The following PDZD2 variants were observed in gnomAD, a reference collection of about 807,000 sequenced individuals.
PDZD2 encodes PDZ domain containing 2, also known as PDZ domain-containing protein 2.
In PDZD2, 90 loss-of-function variants were observed where a neutral mutation model predicts 220.7. That is an observed-to-expected ratio of 0.41 (90% CI 0.34 to 0.49). PDZD2 has a LOEUF of 0.49. Among genes scored for constraint, PDZD2 ranks in the 20% least tolerant of loss-of-function variants. The pLI is 0.28. For synonymous variants in PDZD2, 1,375 were observed against 1,450.5 expected (o/e 0.95, Z 1.18); for missense variants, 3,174 against 3,608.5 (o/e 0.88, Z 3.08).
At chr5:31,838,818 C>T (rs1367693309) in intron 2 of PDZD2, among the ~76,000 whole-genome samples, 1 of 152,218 alleles carries the variant, frequency 6.6e-6, no homozygotes, top group Non-Finnish European at 1.5e-5. Flanking sequence ...TCCCAAGAGG[C>T]CAGGTCTGTG....
chr5:31,792,116 CA>C (rs1753762777), intron 1 of PDZD2, among the ~76,000 whole-genome samples: 2 of 152,172 alleles, frequency 1.3e-5, no homozygotes, highest in Non-Finnish European at 1.5e-5. Context: ...CCACTCCCAA[CA>C]AAATAAAGGA....
At chr5:32,053,972 T>C (rs921458923) in intron 10 of PDZD2, 89 bp downstream of exon 10, 1 of 781,702 alleles carries the variant, frequency 1.3e-6, no homozygotes, top group Non-Finnish European at 2.3e-6. Context: ...AATGCCACAG[T>C]ACCTAGTAGA....
Position 31,799,225 on chromosome 5 carries a change from T to A in PDZD2, c.-24T>A, listed in dbSNP as rs377427151. The A allele has an allele frequency of 2.6e-6, 4 of 1,516,008 alleles. No homozygotes were observed. Among genetic ancestry groups the A allele is most frequent in the African/African-American group, 1.4e-5 (1 of 73,168 alleles). 93.9% of individuals were successfully genotyped at this position (1,516,008 alleles called of 1,614,324 possible). A position where few individuals can be genotyped will look rare whatever the true frequency, so the allele number is the denominator to read the frequency against. The stretch of plus-strand genomic sequence containing the variant: ...CCCCCAGGAGCAAGACCTCTGATGA[T>A]GCTGGTGTCTGGGAGTGAGCACCAT... On this transcript the variant is annotated 5_prime_UTR_variant, in exon 2 of 25. An upstream start codon of the reference 5' UTR is lost. Transcript: ENST00000438447.
intron 1 of PDZD2, among the ~76,000 whole-genome samples, chr5:31,737,344 T>A (rs1749953504): frequency 6.7e-6 from 1 of 149,752 alleles, no homozygotes; most frequent in Admixed American, 6.7e-5. Flanking sequence ...AGCTAATTTG[T>A]TGTATTTTTA....
chr5:31,885,156 G>A (rs1384259937), intron 2 of PDZD2, among the ~76,000 whole-genome samples: 5 of 127,628 alleles, frequency 3.9e-5, no homozygotes, highest in African/African-American at 1.4e-4. Flanking sequence ...AAGTGCAAAC[G>A]GCAAAAAAAA....
At chr5:31,970,546 C>T (rs973832428) in intron 2 of PDZD2, among the ~76,000 whole-genome samples, 3 of 151,998 alleles carry the variant, frequency 2.0e-5, no homozygotes, top group Non-Finnish European at 4.4e-5. Flanking sequence ...ATCCCAGCTA[C>T]TCCAAAGGCT....
At position 31,959,173 on chromosome 5, in the gene PDZD2, C is replaced by T. The variant is rs543529951; in HGVS notation, c.477-23982C>T. Among the ~76,000 whole-genome samples the T allele has an allele frequency of 1.8e-4, 28 of 151,800 alleles. 1 individual carries two copies. The South Asian group carries it at 5.8e-3, about 32-fold the overall frequency. The stretch of plus-strand genomic sequence containing the variant: ...GTCTTCAACTACTGACCTTGTGATC[C>T]GCCCTCCTCAGCCTCCCAAAGTGCT... On this transcript the variant is annotated intron_variant, in intron 2 of 24. Coordinates refer to ENST00000438447, the MANE Select transcript of PDZD2 (RefSeq NM_178140.4).
Position 32,074,136 on chromosome 5 carries a change from G to C in PDZD2, c.3030G>C (p.Lys1010Asn), listed in dbSNP as rs1232053969. 1 of 1,614,220 alleles carries C rather than the reference G, an allele frequency of 6.2e-7. No homozygotes were observed. Among genetic ancestry groups the C allele is most frequent in the Admixed American group, 1.7e-5 (1 of 60,028 alleles). ...DPRRVSISSS[K>N]GMDVHNQEER... The stretch of plus-strand genomic sequence containing the variant: ...GGCGTGTCTCAATTTCCTCTTCCAA[G>C]GGCATGGACGTCCACAACCAAGAGG... Residue 1010 changes from lysine to asparagine, a missense_variant, in exon 18 of 25, where the codon AAG becomes AAC. Lys to Asn is a moderately conservative substitution (Grantham distance 94). Transcript: ENST00000438447.
intron 1 of PDZD2, among the ~76,000 whole-genome samples, chr5:31,681,390 G>T (rs1310762909): frequency 2.0e-5 from 3 of 152,110 alleles, no homozygotes; most frequent in Non-Finnish European, 4.4e-5. Context: ...GGGATTACAG[G>T]CATGTGTCAC....
At position 32,000,361 on chromosome 5, in the gene PDZD2, G is replaced by C; in HGVS notation, c.1254+90G>C. On this transcript the variant is annotated intron_variant, in intron 5 of 24. Transcript: ENST00000438447. This position sits in a 1 kb window ranked among gnomAD's most constrained non-coding sequence, Gnocchi z 4.5. The stretch of plus-strand genomic sequence containing the variant: ...CTCCCATGCCACACACACACACAAA[G>C]ACATGTGTGCACTTGTACGTTTGCC... The C allele has an allele frequency of 2.2e-6, 3 of 1,346,990 alleles. No individual in the cohort carries two copies. Among genetic ancestry groups the C allele is most frequent in the Non-Finnish European group, 3.2e-6 (3 of 944,230 alleles). The allele number at this position is 1,346,990 out of a possible 1,614,324, so 83.4% of individuals were successfully genotyped here. A position where few individuals can be genotyped will look rare whatever the true frequency, so the allele number is the denominator to read the frequency against.
chr5:31,813,393 T>C (rs138097351), intron 2 of PDZD2, among the ~76,000 whole-genome samples: 18,033 of 134,158 alleles, frequency 0.13, 1,297 homozygotes, highest in Non-Finnish European at 0.17. Context: ...GAGCTTGCAG[T>C]GAGGGGAGAT....
At chr5:31,889,970 C>T (rs1301258644) in intron 2 of PDZD2, among the ~76,000 whole-genome samples, 1 of 151,800 alleles carries the variant, frequency 6.6e-6, no homozygotes, top group African/African-American at 2.4e-5. Flanking sequence ...TTGCAGTGAG[C>T]CCAGATAGTG....
At chr5:31,691,887 T>A (rs554163663) in intron 1 of PDZD2, among the ~76,000 whole-genome samples, 1 of 152,288 alleles carries the variant, frequency 6.6e-6, no homozygotes, top group South Asian at 2.1e-4. Flanking sequence ...GTATTTAGAA[T>A]CCCTTAGCTA....
At chr5:32,071,278 G>C in intron 15 of PDZD2, 106 bp from the exon 16 acceptor site, 2 of 839,374 alleles carry the variant, frequency 2.4e-6, no homozygotes, top group Non-Finnish European at 4.2e-6. Flanking sequence ...AGCAAAGGGA[G>C]TTTTGTTTAC....
intron 2 of PDZD2, among the ~76,000 whole-genome samples, chr5:31,964,003 T>G (rs1339224728): frequency 6.6e-6 from 1 of 152,210 alleles, no homozygotes; most frequent in Non-Finnish European, 1.5e-5. Flanking sequence ...CCCTCGAGTT[T>G]TAGAGTCCAT....
chr5:31,869,274 G>A (rs13177969), intron 2 of PDZD2, among the ~76,000 whole-genome samples: 2 of 152,038 alleles, frequency 1.3e-5, no homozygotes, highest in Non-Finnish European at 2.9e-5. Flanking sequence ...TTCCAGCCAC[G>A]CTCCTCAGCC....
Position 32,087,426 on chromosome 5 carries a change from G to A in PDZD2, c.3978G>A (p.Ala1326=), listed in dbSNP as rs370439797. Residue 1326 remains alanine, a synonymous_variant, in exon 20 of 25, where the codon GCG becomes GCA. Coordinates refer to ENST00000438447, the MANE Select transcript of PDZD2 (RefSeq NM_178140.4). The surrounding 1 kb of genome is among the most constrained non-coding windows in gnomAD (Gnocchi z 4.0). ...GGAGGGTGGCTGCCCTCAGGGGAGC[G>A]GGACCTGGAGCAGAGGGAATGACAC... ...NTRRVAALRG[A]GPGAEGMTPA... is the part of the protein sequence containing the mutation. The A allele has an allele frequency of 1.2e-5, 19 of 1,613,984 alleles. No individual in the cohort carries two copies. The highest frequency in any genetic ancestry group is 6.7e-5 in the African/African-American group (5 of 74,942).
chr5:32,097,912 C>G (rs1208992296), intron 22 of PDZD2, among the ~76,000 whole-genome samples: 1 of 152,164 alleles, frequency 6.6e-6, no homozygotes, highest in Non-Finnish European at 1.5e-5. Flanking sequence ...ATCCCCCGCA[C>G]TGAATGTATG....
At chr5:31,854,975 G>A (rs1758305567) in intron 2 of PDZD2, 1 of 985,502 alleles carries the variant, frequency 1.0e-6, no homozygotes, top group Non-Finnish European at 1.2e-6. Context: ...AAGTCCTGCA[G>A]GAGCCGCGTT....
Sources: gnomAD v4.1 joint callset for allele counts (sites outside exome capture counted in the v4.1 genomes callset) on GRCh38, gnomAD v4.1.1 for gene constraint, Gnocchi (gnomAD v3.1) non-coding constraint, MANE v1.5 for transcripts, NCBI Gene and HGNC (gene_info 2026-07-23, HGNC 2026-07-21) for gene names.